The following RFPL1 variants were observed in gnomAD, a reference collection of about 807,000 sequenced individuals.
The protein encoded by RFPL1 is ret finger protein like 1.
A neutral mutation model predicts 9.6 loss-of-function variants in RFPL1; 6 were observed. That is an observed-to-expected ratio of 0.62 (90% CI 0.34 to 1.23). RFPL1 has a LOEUF of 1.23. RFPL1 is among the 50% of genes most tolerant of loss of function. The pLI is 0.03. For missense variants in RFPL1, 352 were observed against 398.4 expected (o/e 0.88, Z 0.99); for synonymous variants, 145 against 149.4 (o/e 0.97, Z 0.22).
upstream of RFPL1, among the ~76,000 whole-genome samples, chr22:29,435,723 GA>G (rs56978464): frequency 0.19 from 28,891 of 151,962 alleles, 3,110 homozygotes; most frequent in African/African-American, 0.28. Context: ...TATATACAAA[GA>G]AAAAAATCTT....
chr22:29,422,798 A>AAAACACATACACACACAC, the RFPL1 span, among the ~76,000 whole-genome samples: 1 of 113,744 alleles, frequency 8.8e-6, no homozygotes, highest in East Asian at 3.7e-4. Context: ...CATGGACGGA[A>AAAACACATACACACACAC]ACACACACAT....
the RFPL1 span, among the ~76,000 whole-genome samples, chr22:29,423,761 C>A: frequency 3.3e-5 from 5 of 152,220 alleles, no homozygotes; most frequent in Admixed American, 3.3e-4. Flanking sequence ...CTCCCCATGA[C>A]TTCTCTAAGC....
chr22:29,439,241 C>A lies in RFPL1; in HGVS notation c.373+77C>A, dbSNP rs919388939. ...CATCTGTGCAACTGGCCCCTCATTC[C>A]ATATGGGGATTAGCTGCTGTCTGGC... On this transcript the variant is annotated intron_variant, in intron 1 of 1. Transcript: ENST00000354373. The A allele has an allele frequency of 7.2e-6, 11 of 1,527,556 alleles. No individual in the cohort carries two copies. The Admixed American group carries it at 1.8e-4, about 26-fold the overall frequency. 94.6% of individuals were successfully genotyped at this position (1,527,556 alleles called of 1,614,324 possible). A position where few individuals can be genotyped will look rare whatever the true frequency, so the allele number is the denominator to read the frequency against.
At chr22:29,424,656 TAAAAAAA>T in the RFPL1 span, among the ~76,000 whole-genome samples, 12,431 of 121,860 alleles carry the variant, frequency 0.1, 653 homozygotes, top group South Asian at 0.13. Context: ...AAGGACAAAG[TAAAAAAA>T]AAAAAAAAAA....
At chr22:29,441,374 T>G in intron 1 of RFPL1, 168 bp from the exon 2 acceptor site, 4 of 724,776 alleles carry the variant, frequency 5.5e-6, no homozygotes, top group Non-Finnish European at 9.1e-6. Context: ...AGCATACCTA[T>G]GAGAATTTGA....
the RFPL1 span, among the ~76,000 whole-genome samples, chr22:29,420,731 C>T: frequency 4.7e-5 from 7 of 149,860 alleles, no homozygotes; most frequent in Non-Finnish European, 1.0e-4. Flanking sequence ...ACTTCCACAT[C>T]CCGGGTTCAA....
chr22:29,411,742 G>C, the RFPL1 span, among the ~76,000 whole-genome samples: 1 of 152,188 alleles, frequency 6.6e-6, no homozygotes, highest in African/African-American at 2.4e-5. Flanking sequence ...CTGTTTCTTA[G>C]AGTTCCTCCA....
At chr22:29,435,692 A>AT (rs1377386661), upstream of RFPL1, among the ~76,000 whole-genome samples, 333 of 152,134 alleles carry the variant, frequency 2.2e-3, 3 homozygotes, top group African/African-American at 7.7e-3. Flanking sequence ...AATAGAACTA[A>AT]ATGTAGGTCT....
the RFPL1 span, among the ~76,000 whole-genome samples, chr22:29,412,743 A>C: frequency 6.6e-6 from 1 of 152,112 alleles, no homozygotes; most frequent in East Asian, 1.9e-4. Flanking sequence ...TATCTAGTGC[A>C]GGTGTGGAAA....
At chr22:29,419,716 T>C in the RFPL1 span, among the ~76,000 whole-genome samples, 3 of 150,450 alleles carry the variant, frequency 2.0e-5, no homozygotes, top group South Asian at 4.2e-4. Context: ...GGCTGGAGGA[T>C]TGTTTGAGGC....
the RFPL1 span, among the ~76,000 whole-genome samples, chr22:29,393,470 C>T: frequency 6.6e-6 from 1 of 152,200 alleles, no homozygotes; most frequent in Non-Finnish European, 1.5e-5. Context: ...GGGAAGGGAG[C>T]ATCTAAGGGA....
the RFPL1 span, among the ~76,000 whole-genome samples, chr22:29,393,423 G>A: frequency 2.0e-5 from 3 of 152,186 alleles, no homozygotes; most frequent in Admixed American, 2.0e-4. Context: ...GTAAAAGGCT[G>A]GATAATTACA....
At chr22:29,436,247 CAT>C (rs2146364056), upstream of RFPL1, among the ~76,000 whole-genome samples, 1 of 152,130 alleles carries the variant, frequency 6.6e-6, no homozygotes, top group East Asian at 1.9e-4. Context: ...GTCACTTGTA[CAT>C]GATTGCATAT....
chr22:29,397,399 A>G, the RFPL1 span, among the ~76,000 whole-genome samples: 4 of 152,242 alleles, frequency 2.6e-5, no homozygotes, highest in African/African-American at 9.6e-5. Context: ...TCCAAAACCC[A>G]TCAGCCTTGG....
the RFPL1 span, among the ~76,000 whole-genome samples, chr22:29,417,805 C>T: frequency 6.6e-6 from 1 of 151,894 alleles, no homozygotes; most frequent in African/African-American, 2.4e-5. Flanking sequence ...CAGGTAAACA[C>T]AAGTACACAT....
At chr22:29,409,004 GGT>G in the RFPL1 span, among the ~76,000 whole-genome samples, 4 of 151,808 alleles carry the variant, frequency 2.6e-5, no homozygotes, top group Non-Finnish European at 1.5e-5. Flanking sequence ...TGATCCTCAT[GGT>G]GTTTTTTTTT....
chr22:29,421,481 C>T, the RFPL1 span, among the ~76,000 whole-genome samples: 61 of 150,142 alleles, frequency 4.1e-4, no homozygotes, highest in African/African-American at 1.4e-3. Flanking sequence ...ACACTCAGCA[C>T]TACGTTCACC....
the RFPL1 span, among the ~76,000 whole-genome samples, chr22:29,400,435 C>G: frequency 6.6e-6 from 1 of 152,208 alleles, no homozygotes; most frequent in Non-Finnish European, 1.5e-5. Context: ...TGTCTCTAGT[C>G]ACACAGTGCT....
the RFPL1 span, among the ~76,000 whole-genome samples, chr22:29,431,202 T>TTAG: frequency 6.6e-6 from 1 of 152,166 alleles, no homozygotes; most frequent in African/African-American, 2.4e-5. Flanking sequence ...TTTCTCGACT[T>TTAG]ACTAGATTCC....
Sources: gnomAD v4.1 joint callset for allele counts (sites outside exome capture counted in the v4.1 genomes callset) on GRCh38, gnomAD v4.1.1 for gene constraint, MANE v1.5 for transcripts, NCBI Gene and HGNC (gene_info 2026-07-23, HGNC 2026-07-21) for gene names.